KHK: variants seen among roughly 807,000 people sequenced by gnomAD.
KHK encodes ketohexokinase, also known as fructokinase.
In KHK, 37 loss-of-function variants were observed where a neutral mutation model predicts 36.0. The ratio of observed to expected loss-of-function variants is 1.03; its 90% confidence interval spans 0.79 to 1.35. KHK has a LOEUF of 1.35. Among genes scored for constraint, KHK ranks in the 40% most tolerant of loss-of-function variants. The pLI is 0.00. For missense variants in KHK, 395 were observed against 391.9 expected (o/e 1.01, Z -0.07); for synonymous variants, 161 against 162.8 (o/e 0.99, Z 0.08).
rs1670760161 is a variant in KHK, at chr2:27,100,558, G to A, written c.*808G>A. 1 of 1,289,122 alleles carries A rather than the reference G, an allele frequency of 7.8e-7. No individual in the cohort carries two copies. Among genetic ancestry groups the A allele is most frequent in the South Asian group, 1.2e-5 (1 of 80,958 alleles). 79.9% of individuals were successfully genotyped at this position (1,289,122 alleles called of 1,614,324 possible). On this transcript the variant is annotated 3_prime_UTR_variant, in exon 8 of 8. Coordinates refer to ENST00000260598, the MANE Select transcript of KHK (RefSeq NM_006488.3). ...TGGGTAAGGCCTTATAATGTAAAGA[G>A]CATATAATGTAAAGGGCTTTAGAGT...
In KHK at chr2:27,099,836, T is replaced by C. The variant is rs1397881088; in HGVS notation, c.*86T>C. The C allele has an allele frequency of 6.4e-7, 1 of 1,560,174 alleles. No homozygotes were observed. The highest frequency in any genetic ancestry group is 1.4e-5 in the African/African-American group (1 of 73,268). On this transcript the variant is annotated 3_prime_UTR_variant, in exon 8 of 8. Coordinates refer to ENST00000260598, the MANE Select transcript of KHK (RefSeq NM_006488.3). ...CCCTCCATCCAGCCTGGCGTCCAGG[T>C]TGCCCTGTTCAGGGGACAGATGCAA...
intron 5 of KHK, chr2:27,098,988 C>A (rs1670594896): frequency 5.4e-6 from 3 of 553,410 alleles, no homozygotes; most frequent in Admixed American, 2.6e-5. Flanking sequence ...TCATATGGGG[C>A]CAGGAGTTCA....
intron 1 of KHK, among the ~76,000 whole-genome samples, chr2:27,089,818 G>A (rs1041447814): frequency 1.2e-4 from 19 of 152,322 alleles, no homozygotes; most frequent in African/African-American, 3.4e-4. Context: ...CTTGGGAGCC[G>A]CCACCTGGAG....
At position 27,099,757 on chromosome 2, in the gene KHK, G is replaced by A. The variant is rs376415830; in HGVS notation, c.*7G>A. On this transcript the variant is annotated 3_prime_UTR_variant, in exon 8 of 8. Transcript: ENST00000260598. Reference sequence around the variant, plus strand: ...CTTTGATGGCATCGTGTGAGAGCAGGTGCCGGCTCCTCACACACCATGGAG... The same window carrying A: ...CTTTGATGGCATCGTGTGAGAGCAGATGCCGGCTCCTCACACACCATGGAG... 6.2e-7 allele frequency: 1 copy of A among 1,613,562 alleles called. No homozygotes were observed. Among genetic ancestry groups the A allele is most frequent in the Non-Finnish European group, 8.5e-7 (1 of 1,179,794 alleles).
chr2:27,094,653 C>T (rs922409647), intron 2 of KHK, 147 bp from the exon 3 acceptor site: 3 of 1,613,822 alleles, frequency 1.9e-6, no homozygotes, highest in Non-Finnish European at 2.5e-6. Context: ...CTGCCGCCGC[C>T]ACCAAAACTC....
intron 4 of KHK, 94 bp downstream of exon 4, chr2:27,096,895 TTAGAGATAAATGAA>T: frequency 1.1e-6 from 1 of 937,044 alleles, no homozygotes; most frequent in East Asian, 2.4e-5. Flanking sequence ...ATGAAGTACC[TTAGAGATAAATGAA>T]CCCAACCCCC....
Position 27,096,768 on chromosome 2 carries a change from T to C in KHK, c.384T>C (p.Val128=). 6.2e-7 allele frequency: 1 copy of C among 1,614,146 alleles called. No individual in the cohort carries two copies. The highest frequency in any genetic ancestry group is 1.1e-5 in the South Asian group (1 of 91,084). ...PDVSATDFEK[V]DLTQFKWIHI... is the part of the protein sequence containing the mutation. The stretch of plus-strand genomic sequence containing the variant: ...TGTCTGCTACAGACTTTGAGAAGGT[T>C]GATCTGACCCAGTTCAAGTGGATCC... The change falls in exon 4 of 8, where the codon GTT becomes GTC. Residue 128 remains valine (V), a synonymous_variant. Transcript: ENST00000260598.
chr2:27,094,597 CCTATA>C (rs761470895), intron 2 of KHK, 198 bp from the exon 3 acceptor site: 2 of 1,614,182 alleles, frequency 1.2e-6, no homozygotes, highest in Admixed American at 3.3e-5. Flanking sequence ...GCCGCACCAT[CCTATA>C]CTATGACAGG....
intron 6 of KHK, 22 bp from the exon 7 acceptor site, chr2:27,099,398 G>A: frequency 6.2e-7 from 1 of 1,612,748 alleles, no homozygotes; most frequent in Non-Finnish European, 8.5e-7. Context: ...CTAACACCCA[G>A]CTGAGTGGAG....
chr2:27,091,840 T>C (rs112182421), intron 1 of KHK, among the ~76,000 whole-genome samples: 3,635 of 152,136 alleles, frequency 0.024, 149 homozygotes, highest in African/African-American at 0.083. Flanking sequence ...TTTGATTTTA[T>C]AGCTCTGCAG....
chr2:27,095,156 G>T (rs1192071269), intron 3 of KHK, among the ~76,000 whole-genome samples: 1 of 152,186 alleles, frequency 6.6e-6, no homozygotes, highest in Non-Finnish European at 1.5e-5. Context: ...ACTTGGCCTT[G>T]GTCAACACCA....
chr2:27,086,847 G>A lies in KHK; in HGVS notation c.-413G>A, dbSNP rs527667767. On this transcript the variant is annotated 5_prime_UTR_variant, in exon 1 of 8. Coordinates refer to ENST00000260598, the MANE Select transcript of KHK (RefSeq NM_006488.3). Reference sequence around the variant, plus strand: ...GGGAGTCGGAGACGCAGGTGCAGGAGAGTGCGGGGCAAGTAGCGCATTTTC... The same window carrying A: ...GGGAGTCGGAGACGCAGGTGCAGGAAAGTGCGGGGCAAGTAGCGCATTTTC... The A allele has an allele frequency of 9.2e-5, 15 of 163,058 alleles. No homozygotes were observed. The South Asian group carries it at 2.1e-3, about 23-fold the overall frequency. 10.1% of individuals were successfully genotyped at this position (163,058 alleles called of 1,614,324 possible).
chr2:27,092,550 T>C, intron 2 of KHK, 102 bp downstream of exon 2: 1 of 873,490 alleles, frequency 1.1e-6, no homozygotes, highest in Non-Finnish European at 1.9e-6. Context: ...AGAAATGGGT[T>C]GTGTCCAGCA....
In KHK at chr2:27,099,982, A is replaced by C; in HGVS notation, c.*232A>C. 1.1e-6 allele frequency: 1 copy of C among 884,142 alleles called. No individual in the cohort carries two copies. Among genetic ancestry groups the C allele is most frequent in the Non-Finnish European group, 1.8e-6 (1 of 556,100 alleles). 54.8% of individuals were successfully genotyped at this position (884,142 alleles called of 1,614,324 possible). On this transcript the variant is annotated 3_prime_UTR_variant, in exon 8 of 8. Coordinates refer to ENST00000260598, the MANE Select transcript of KHK (RefSeq NM_006488.3). The stretch of plus-strand genomic sequence containing the variant: ...TTCCTCAGAGCCAGCTTCTCCTCTC[A>C]ATGTCTGAACTGCTCTGGCTGGGCA...
intron 1 of KHK, among the ~76,000 whole-genome samples, chr2:27,090,448 C>CTT (rs1669922056): frequency 1.9e-5 from 2 of 104,722 alleles, no homozygotes; most frequent in African/African-American, 3.2e-5. Flanking sequence ...TTTCTTTTTT[C>CTT]TTTCTTTTTT....
chr2:27,093,868 G>C (rs1343503021), intron 2 of KHK, among the ~76,000 whole-genome samples: 1 of 152,214 alleles, frequency 6.6e-6, no homozygotes, highest in Non-Finnish European at 1.5e-5. Flanking sequence ...GGAGCCAGCT[G>C]ATTGCCCAGG....
chr2:27,098,825 A>G lies in KHK; in HGVS notation c.565-371A>G, dbSNP rs1035412728. 4 of 235,254 alleles carry G rather than the reference A, an allele frequency of 1.7e-5. No homozygotes were observed. In the Admixed American group the frequency reaches 2.0e-4, roughly 12 times the overall value. 14.6% of individuals were successfully genotyped at this position (235,254 alleles called of 1,614,324 possible). On this transcript the variant is annotated intron_variant, in intron 5 of 7. Coordinates refer to ENST00000260598, the MANE Select transcript of KHK (RefSeq NM_006488.3). ...AAGGCTTTCTGTGGGTTTTCAATCCATTGATCAGAGAACAAACGGACCAGG... is the reference window on the plus strand; with the variant it reads ...AAGGCTTTCTGTGGGTTTTCAATCCGTTGATCAGAGAACAAACGGACCAGG...
chr2:27,098,442 A>C (rs1670540466), intron 5 of KHK, among the ~76,000 whole-genome samples: 1 of 150,274 alleles, frequency 6.7e-6, no homozygotes, highest in African/African-American at 2.5e-5. Context: ...CACTTCAGCC[A>C]GTCATTCAAG....
intron 3 of KHK, among the ~76,000 whole-genome samples, chr2:27,096,105 G>C (rs1376178300): frequency 6.6e-6 from 1 of 152,198 alleles, no homozygotes; most frequent in African/African-American, 2.4e-5. Flanking sequence ...GGAAGGACTC[G>C]GCTACAGAAC....
Sources: gnomAD v4.1 joint callset for allele counts (sites outside exome capture counted in the v4.1 genomes callset) on GRCh38, gnomAD v4.1.1 for gene constraint, MANE v1.5 for transcripts, NCBI Gene and HGNC (gene_info 2026-07-23, HGNC 2026-07-21) for gene names.